ZNF704: variants seen among roughly 807,000 people sequenced by gnomAD.
ZNF704 encodes the protein zinc finger protein 704, also known as glucocorticoid induced gene 1.
A neutral mutation model predicts 44.7 loss-of-function variants in ZNF704; 10 were observed. The observed-to-expected ratio is 0.22, with a 90% CI of 0.14 to 0.38. The LOEUF (loss-of-function observed/expected upper bound fraction) is 0.38, where lower values mean the gene tolerates loss of function less well. Among genes scored for constraint, ZNF704 ranks in the 10% least tolerant of loss-of-function variants. ZNF704 has a pLI of 1.00. For synonymous variants in ZNF704, 211 were observed against 207.6 expected (o/e 1.02, Z -0.14); for missense variants, 390 against 545.5 (o/e 0.71, Z 2.84).
intron 2 of ZNF704, among the ~76,000 whole-genome samples, chr8:80,696,418 T>C (rs1311501947): frequency 6.6e-6 from 1 of 151,934 alleles, no homozygotes; most frequent in South Asian, 2.1e-4. Flanking sequence ...GGATTTCAGA[T>C]TTTTTTTGTT....
At chr8:80,651,505 G>C (rs956060827) in intron 7 of ZNF704, among the ~76,000 whole-genome samples, 17 of 152,246 alleles carry the variant, frequency 1.1e-4, no homozygotes, top group African/African-American at 4.1e-4. Context: ...AAAAAAGGCA[G>C]GGGTTGCAAC....
chr8:80,748,077 T>C (rs1806877578), intron 2 of ZNF704, among the ~76,000 whole-genome samples: 1 of 152,348 alleles, frequency 6.6e-6, no homozygotes, highest in South Asian at 2.1e-4. Context: ...GCAATTCTCC[T>C]ACAAACGGCA....
chr8:80,631,327 T>C lies in ZNF704; in HGVS notation c.*10039A>G, dbSNP rs1817581275. Reference sequence around the variant, plus strand: ...GTCCCAGCCATCTGTGCCCAAAACATAGGAAGGGGGCTCCAGTGGAGTGAG... The same window carrying C: ...GTCCCAGCCATCTGTGCCCAAAACACAGGAAGGGGGCTCCAGTGGAGTGAG... On this transcript the variant is annotated 3_prime_UTR_variant, in exon 9 of 9. Transcript: ENST00000327835. The C allele has an allele frequency of 6.6e-6, 1 of 152,246 alleles. No homozygotes were observed. Among genetic ancestry groups the C allele is most frequent in the African/African-American group, 2.4e-5 (1 of 41,554 alleles). 9.4% of individuals were successfully genotyped at this position (152,246 alleles called of 1,614,324 possible). A position where few individuals can be genotyped will look rare whatever the true frequency, so the allele number is the denominator to read the frequency against.
intron 2 of ZNF704, among the ~76,000 whole-genome samples, chr8:80,797,342 A>G (rs1238296032): frequency 1.3e-5 from 2 of 152,072 alleles, no homozygotes; most frequent in Non-Finnish European, 2.9e-5. Context: ...TCTGCTTGGC[A>G]TTGCCCTAGT....
At chr8:80,813,304 G>A (rs374597474) in intron 2 of ZNF704, among the ~76,000 whole-genome samples, 1 of 152,120 alleles carries the variant, frequency 6.6e-6, no homozygotes, top group Non-Finnish European at 1.5e-5. Context: ...TTCATTAATG[G>A]CAGTGACATA....
At chr8:80,866,434 G>A (rs1182316163) in intron 1 of ZNF704, among the ~76,000 whole-genome samples, 2 of 152,148 alleles carry the variant, frequency 1.3e-5, no homozygotes, top group Non-Finnish European at 2.9e-5. Context: ...CCAAAACATG[G>A]ACCTCACACC....
intron 2 of ZNF704, among the ~76,000 whole-genome samples, chr8:80,698,671 T>C (rs766319085): frequency 6.6e-6 from 1 of 152,220 alleles, no homozygotes; most frequent in African/African-American, 2.4e-5. Context: ...GAGGAATTGA[T>C]TGTCTGATGA....
At chr8:80,880,960 T>C in the ZNF704 span, among the ~76,000 whole-genome samples, 1 of 152,260 alleles carries the variant, frequency 6.6e-6, no homozygotes, top group African/African-American at 2.4e-5. Flanking sequence ...TATTCAGGGT[T>C]ACTGAGAGTA....
intron 6 of ZNF704, among the ~76,000 whole-genome samples, chr8:80,664,488 C>A (rs1348485441): frequency 6.6e-6 from 1 of 152,052 alleles, no homozygotes; most frequent in Non-Finnish European, 1.5e-5. Flanking sequence ...TCAGGCTGGT[C>A]TCGAACTCCC....
At chr8:80,751,196 C>T (rs531427485) in intron 2 of ZNF704, among the ~76,000 whole-genome samples, 1 of 152,224 alleles carries the variant, frequency 6.6e-6, no homozygotes, top group East Asian at 1.9e-4. Flanking sequence ...TAAATAATCA[C>T]ACTGGAAAGA....
At chr8:80,686,989 G>A (rs1476934359) in intron 4 of ZNF704, among the ~76,000 whole-genome samples, 1 of 152,156 alleles carries the variant, frequency 6.6e-6, no homozygotes, top group Non-Finnish European at 1.5e-5. Flanking sequence ...TATAACCAGA[G>A]GATGGATGGG....
chr8:80,795,345 G>A (rs1485017523), intron 2 of ZNF704, among the ~76,000 whole-genome samples: 2 of 152,124 alleles, frequency 1.3e-5, no homozygotes, highest in Non-Finnish European at 2.9e-5. Context: ...AAAACAAGGC[G>A]TTATAAATCA....
intron 4 of ZNF704, among the ~76,000 whole-genome samples, chr8:80,675,704 T>C (rs764792842): frequency 9.9e-5 from 15 of 152,174 alleles, no homozygotes; most frequent in Non-Finnish European, 2.2e-4. Context: ...TAAAGATGAC[T>C]TCCATGTTTT....
intron 2 of ZNF704, among the ~76,000 whole-genome samples, chr8:80,707,021 T>G (rs1014041484): frequency 4.6e-5 from 7 of 152,244 alleles, no homozygotes; most frequent in Admixed American, 2.0e-4. Flanking sequence ...TCCTAATAGC[T>G]AATATTTATT....
intron 2 of ZNF704, among the ~76,000 whole-genome samples, chr8:80,817,540 T>C (rs1808196851): frequency 6.6e-6 from 1 of 152,244 alleles, no homozygotes; most frequent in South Asian, 2.1e-4. Flanking sequence ...CTCTCTCAGG[T>C]GTTTCTCTTA....
intron 7 of ZNF704, among the ~76,000 whole-genome samples, chr8:80,657,978 G>A (rs2131603534): frequency 6.6e-6 from 1 of 152,086 alleles, no homozygotes; most frequent in East Asian, 1.9e-4. Flanking sequence ...TGAAAAACGA[G>A]TGATATAAGG....
intron 7 of ZNF704, among the ~76,000 whole-genome samples, chr8:80,649,908 T>A (rs1240749003): frequency 6.6e-6 from 1 of 152,104 alleles, no homozygotes; most frequent in African/African-American, 2.4e-5. Flanking sequence ...CTGGGAGGCA[T>A]CCCCCAGTAG....
At position 80,804,596 on chromosome 8, in the gene ZNF704, G is replaced by A. The variant is rs547857423; in HGVS notation, c.221+16778C>T. On this transcript the variant is annotated intron_variant, in intron 2 of 8. Coordinates refer to ENST00000327835, the MANE Select transcript of ZNF704 (RefSeq NM_001033723.3). ...GGAACAGAAAACCAGACACCACATC[G>A]TGTTCTCACTTATAAGTGGGAGCTG... Among the ~76,000 whole-genome samples, 38 of 152,200 alleles carry A rather than the reference G, an allele frequency of 2.5e-4. 1 individual carries two copies. In the South Asian group the frequency reaches 5.8e-3, roughly 23 times the overall value.
intron 2 of ZNF704, among the ~76,000 whole-genome samples, chr8:80,791,262 C>CAT (rs1807703587): frequency 6.6e-6 from 1 of 152,218 alleles, no homozygotes; most frequent in Non-Finnish European, 1.5e-5. Context: ...ACCTCCTGCT[C>CAT]ATACTCTGCA....
Sources: allele counts gnomAD v4.1 joint callset (sites outside exome capture counted in the v4.1 genomes callset), GRCh38; gene constraint gnomAD v4.1.1; transcripts MANE v1.5; gene names NCBI Gene and HGNC (gene_info 2026-07-23, HGNC 2026-07-21).